Variants in TANK observed in about 807,000 individuals in gnomAD.
TANK encodes the protein TRAF family member-associated NF-kappa-B activator.
A neutral mutation model predicts 43.6 loss-of-function variants in TANK; 15 were observed. That is an observed-to-expected ratio of 0.34 (90% CI 0.23 to 0.53). The LOEUF is 0.53. Ranked by LOEUF, TANK falls within the 20% of genes least tolerant of loss-of-function variation. The probability of loss-of-function intolerance (pLI) is 0.94; values close to 1 mark genes in which losing one functional copy is unlikely to be tolerated. For synonymous variants in TANK, 162 were observed against 178.2 expected (o/e 0.91, Z 0.73); for missense variants, 417 against 498.6 (o/e 0.84, Z 1.56).
At chr2:161,212,545 A>G in intron 4 of TANK, 1 of 985,288 alleles carries the variant, frequency 1.0e-6, no homozygotes, top group Non-Finnish European at 1.2e-6. Context: ...TTGTTAAAAT[A>G]CTGGAAATAA....
intron 4 of TANK, among the ~76,000 whole-genome samples, chr2:161,209,362 A>G (rs1053639659): frequency 1.3e-5 from 2 of 152,214 alleles, no homozygotes; most frequent in African/African-American, 2.4e-5. Context: ...TTTCAGACAT[A>G]GTAACTTATG....
intron 1 of TANK, among the ~76,000 whole-genome samples, chr2:161,152,226 A>G (rs182597410): frequency 5.3e-5 from 8 of 152,220 alleles, no homozygotes; most frequent in African/African-American, 1.9e-4. Context: ...ATATTTACCT[A>G]TGTAGTTGTC....
chr2:161,232,595 G>C, intron 7 of TANK: 1 of 1,008,710 alleles, frequency 9.9e-7, no homozygotes, highest in Non-Finnish European at 1.4e-6. Context: ...CATAGTCTCA[G>C]TTATAGTTGC....
intron 4 of TANK, among the ~76,000 whole-genome samples, chr2:161,213,663 T>C (rs2105363900): frequency 6.6e-6 from 1 of 151,216 alleles, no homozygotes; most frequent in South Asian, 2.1e-4. Flanking sequence ...TTTTCAGTGT[T>C]ATGAAATGCT....
chr2:161,176,385 C>A (rs1032741905), intron 1 of TANK, among the ~76,000 whole-genome samples: 3 of 152,114 alleles, frequency 2.0e-5, no homozygotes, highest in African/African-American at 7.2e-5. Flanking sequence ...GTATCATTTA[C>A]TTATTTGTAT....
intron 2 of TANK, among the ~76,000 whole-genome samples, chr2:161,192,114 T>C (rs1002171021): frequency 1.3e-5 from 2 of 152,048 alleles, no homozygotes; most frequent in African/African-American, 2.4e-5. Flanking sequence ...ACATGAACCT[T>C]CTCATTTTTT....
At chr2:161,227,267 T>G (rs1223364245) in intron 6 of TANK, 2 of 152,212 alleles carry the variant, frequency 1.3e-5, no homozygotes, top group African/African-American at 4.8e-5. Context: ...AAAATATCTG[T>G]TTTTTTAGAG....
At chr2:161,156,698 CAT>C (rs1684235737), upstream of TANK, among the ~76,000 whole-genome samples, 2 of 152,134 alleles carry the variant, frequency 1.3e-5, no homozygotes, top group Non-Finnish European at 2.9e-5. Flanking sequence ...AACTGGAAGA[CAT>C]ATAGACATGC....
intron 1 of TANK, among the ~76,000 whole-genome samples, chr2:161,144,609 T>C (rs1286361879): frequency 6.6e-6 from 1 of 152,200 alleles, no homozygotes; most frequent in Admixed American, 6.5e-5. Flanking sequence ...AGTTGTGTCA[T>C]TTTGAGTGAG....
intron 1 of TANK, among the ~76,000 whole-genome samples, chr2:161,164,626 G>A (rs148019481): frequency 1.0e-3 from 159 of 152,258 alleles, no homozygotes; most frequent in African/African-American, 3.7e-3. Context: ...AATAAGTTGA[G>A]GGTAACTGGT....
chr2:161,156,688 A>G (rs1472157603), upstream of TANK, among the ~76,000 whole-genome samples: 1 of 152,204 alleles, frequency 6.6e-6, no homozygotes, highest in Non-Finnish European at 1.5e-5. Flanking sequence ...ATAGATGTTG[A>G]ACTGGAAGAC....
chr2:161,231,603 C>A, intron 7 of TANK, 52 bp downstream of exon 7: 1 of 1,503,446 alleles, frequency 6.7e-7, no homozygotes, highest in Non-Finnish European at 9.2e-7. Context: ...ACACATTTTG[C>A]CATACATGCA....
At chr2:161,192,488 T>A (rs1046666270) in intron 2 of TANK, among the ~76,000 whole-genome samples, 2 of 152,190 alleles carry the variant, frequency 1.3e-5, no homozygotes, top group African/African-American at 4.8e-5. Context: ...TAGACTAAAT[T>A]TTCCATTGTT....
intron 4 of TANK, among the ~76,000 whole-genome samples, chr2:161,215,080 T>C (rs1687059133): frequency 6.6e-6 from 1 of 152,140 alleles, no homozygotes; most frequent in East Asian, 1.9e-4. Context: ...CTTGTATTCC[T>C]GACATGAACA....
intron 1 of TANK, among the ~76,000 whole-genome samples, chr2:161,140,778 T>C (rs1683723580): frequency 6.6e-6 from 1 of 152,086 alleles, no homozygotes; most frequent in Admixed American, 6.6e-5. Context: ...GAAGTTTTAT[T>C]TCCTCTTTGA....
chr2:161,218,027 C>G (rs1418652137), intron 4 of TANK, among the ~76,000 whole-genome samples: 1 of 152,114 alleles, frequency 6.6e-6, no homozygotes, highest in African/African-American at 2.4e-5. Context: ...TTGAGAAATA[C>G]TATGAAATTT....
intron 2 of TANK, among the ~76,000 whole-genome samples, chr2:161,202,189 T>C (rs1273500645): frequency 1.5e-4 from 21 of 140,576 alleles, no homozygotes; most frequent in African/African-American, 5.6e-4. Flanking sequence ...TTTCTTTTTT[T>C]TTTTTTTTTT....
chr2:161,160,260 G>C (rs1461884284), upstream of TANK: 5 of 411,436 alleles, frequency 1.2e-5, no homozygotes, highest in South Asian at 1.3e-4. Context: ...GGGCAGGGCT[G>C]GGGGAGGGCG....
intron 4 of TANK, among the ~76,000 whole-genome samples, chr2:161,210,798 A>C (rs963631857): frequency 4.6e-5 from 7 of 152,154 alleles, no homozygotes; most frequent in South Asian, 4.1e-4. Flanking sequence ...AGCTTAAGAT[A>C]GGCTTGATCA....
Sources: gnomAD v4.1 joint callset for allele counts (sites outside exome capture counted in the v4.1 genomes callset) on GRCh38, gnomAD v4.1.1 for gene constraint, MANE v1.5 for transcripts, NCBI Gene and HGNC (gene_info 2026-07-23, HGNC 2026-07-21) for gene names.